Variants in PRP4K observed in about 807,000 individuals in gnomAD.
PRP4K encodes the protein serine/threonine-protein kinase PRP4 homolog.
the PRP4K span, chr6:4,021,535 G>A: frequency 6.5e-7 from 1 of 1,549,774 alleles, no homozygotes; most frequent in East Asian, 2.4e-5. Flanking sequence ...TGCACGGGGT[G>A]GCGGGAAAGT....
the PRP4K span, chr6:4,032,246 C>T: frequency 1.9e-6 from 3 of 1,613,252 alleles, no homozygotes; most frequent in South Asian, 2.2e-5. Flanking sequence ...AATCCCCTAC[C>T]CTTAGAAGGC....
the PRP4K span, chr6:4,062,734 G>A: frequency 6.5e-6 from 1 of 152,678 alleles, no homozygotes; most frequent in East Asian, 1.9e-4. This position sits in a 1 kb window ranked among gnomAD's most constrained non-coding sequence, Gnocchi z 4.2. Context: ...TCTCTTCACG[G>A]TTTAGACTTA....
At chr6:4,038,903 C>T in the PRP4K span, among the ~76,000 whole-genome samples, 2 of 141,724 alleles carry the variant, frequency 1.4e-5, no homozygotes, top group African/African-American at 2.6e-5. Flanking sequence ...TTATGGCCTT[C>T]TGGGAAATTT....
the PRP4K span, among the ~76,000 whole-genome samples, chr6:4,036,804 T>C: frequency 2.0e-5 from 3 of 146,732 alleles, no homozygotes; most frequent in African/African-American, 7.4e-5. Context: ...CTGGGCAACA[T>C]AGTGAGACCC....
At chr6:4,039,403 C>A in the PRP4K span, among the ~76,000 whole-genome samples, 1 of 152,192 alleles carries the variant, frequency 6.6e-6, no homozygotes, top group Non-Finnish European at 1.5e-5. Context: ...ATAATGTAAA[C>A]TTCCTTATAA....
the PRP4K span, chr6:4,057,170 G>A: frequency 6.2e-7 from 1 of 1,611,826 alleles, no homozygotes; most frequent in Non-Finnish European, 8.5e-7. Context: ...GGATCTCAAA[G>A]GAAAGATGCC....
chr6:4,037,598 T>A, the PRP4K span: 119 of 1,596,410 alleles, frequency 7.5e-5, no homozygotes, highest in Admixed American at 6.6e-4. Flanking sequence ...TTGTGATTCA[T>A]TAAACTCTGA....
At chr6:4,053,537 G>A in the PRP4K span, among the ~76,000 whole-genome samples, 19 of 133,002 alleles carry the variant, frequency 1.4e-4, no homozygotes, top group East Asian at 4.1e-3. Context: ...AATTCTCTTC[G>A]ACTAGTGACT....
the PRP4K span, among the ~76,000 whole-genome samples, chr6:4,023,093 A>G: frequency 6.6e-6 from 1 of 152,330 alleles, no homozygotes; most frequent in South Asian, 2.1e-4. Flanking sequence ...TGGTCTGTAT[A>G]TGTCTCACTT....
the PRP4K span, chr6:4,021,523 G>C: frequency 1.3e-6 from 2 of 1,555,240 alleles, no homozygotes; most frequent in African/African-American, 1.4e-5. Flanking sequence ...CCGAGTGGGA[G>C]CTGCACGGGG....
the PRP4K span, among the ~76,000 whole-genome samples, chr6:4,058,498 A>G: frequency 1.8e-3 from 267 of 152,372 alleles, no homozygotes; most frequent in Non-Finnish European, 2.8e-3. Flanking sequence ...AATTGTTTTA[A>G]GTCACTGCCT....
At chr6:4,036,865 G>A in the PRP4K span, among the ~76,000 whole-genome samples, 1 of 151,480 alleles carries the variant, frequency 6.6e-6, no homozygotes, top group Non-Finnish European at 1.5e-5. Context: ...TGCCCTTATG[G>A]TTCCAGCTGC....
At chr6:4,037,857 ATT>A in the PRP4K span, among the ~76,000 whole-genome samples, 13 of 141,808 alleles carry the variant, frequency 9.2e-5, no homozygotes, top group Admixed American at 3.6e-4. Flanking sequence ...AGACTTAGGG[ATT>A]TTTTTTTTTT....
the PRP4K span, chr6:4,050,432 A>T: frequency 2.3e-6 from 1 of 427,342 alleles, no homozygotes. Flanking sequence ...TACCTACTGT[A>T]TGCACCAATA....
chr6:4,041,822 G>A, the PRP4K span, among the ~76,000 whole-genome samples: 1 of 152,256 alleles, frequency 6.6e-6, no homozygotes, highest in Non-Finnish European at 1.5e-5. Context: ...AAAACCAGGT[G>A]ATTAAAGTTG....
the PRP4K span, among the ~76,000 whole-genome samples, chr6:4,031,168 GGTT>G: frequency 6.6e-6 from 1 of 152,166 alleles, no homozygotes; most frequent in Admixed American, 6.5e-5. Context: ...CGGGCCCTTT[GGTT>G]GTTAATGTGT....
At chr6:4,032,436 T>G in the PRP4K span, 1 of 1,613,928 alleles carries the variant, frequency 6.2e-7, no homozygotes, top group Non-Finnish European at 8.5e-7. Context: ...AGACAGAAGG[T>G]CACGGTCCAA....
the PRP4K span, among the ~76,000 whole-genome samples, chr6:4,024,192 G>C: frequency 1.3e-5 from 2 of 151,982 alleles, no homozygotes; most frequent in African/African-American, 2.4e-5. Flanking sequence ...AAGTATTTTT[G>C]TAGAGGCAGA....
At chr6:4,032,623 C>T in the PRP4K span, 1 of 1,614,026 alleles carries the variant, frequency 6.2e-7, no homozygotes, top group South Asian at 1.1e-5. Context: ...AGCAGGTCTC[C>T]ACTTTTGAAT....
Sources: gnomAD v4.1 joint callset for allele counts (sites outside exome capture counted in the v4.1 genomes callset) on GRCh38, gnomAD v4.1.1 for gene constraint, Gnocchi (gnomAD v3.1) non-coding constraint, MANE v1.5 for transcripts, NCBI Gene and HGNC (gene_info 2026-07-23, HGNC 2026-07-21) for gene names.